The following SLC4A4 variants were observed in gnomAD, a reference collection of about 807,000 sequenced individuals.
SLC4A4 encodes the protein electrogenic sodium bicarbonate cotransporter 1.
Under a neutral mutation model 111.5 loss-of-function variants are expected in SLC4A4, and 27 were observed. That is an observed-to-expected ratio of 0.24 (90% CI 0.18 to 0.33). SLC4A4 has a LOEUF of 0.33. Ranked by LOEUF, SLC4A4 falls within the 10% of genes least tolerant of loss-of-function variation. SLC4A4 has a pLI of 1.00. For missense variants in SLC4A4, 909 were observed against 1,315.5 expected (o/e 0.69, Z 4.78); for synonymous variants, 443 against 463.4 (o/e 0.96, Z 0.57).
intron 7 of SLC4A4, among the ~76,000 whole-genome samples, chr4:71,417,687 C>T (rs942324558): frequency 2.0e-5 from 3 of 152,230 alleles, no homozygotes; most frequent in East Asian, 1.9e-4. Flanking sequence ...CTATTAAATA[C>T]TTTAAAATAT....
chr4:71,144,808 A>T (rs550480843), intron 2 of SLC4A4, among the ~76,000 whole-genome samples: 2 of 152,226 alleles, frequency 1.3e-5, no homozygotes, highest in African/African-American at 4.8e-5. Flanking sequence ...GTATCCTGAG[A>T]CTTTGCTGAA....
At chr4:71,408,013 G>C (rs1721028908) in intron 7 of SLC4A4, among the ~76,000 whole-genome samples, 1 of 152,104 alleles carries the variant, frequency 6.6e-6, no homozygotes, top group South Asian at 2.1e-4. Context: ...ACATCATTAT[G>C]ACCTTAAAAT....
At chr4:71,541,502 G>A (rs1016810142) in intron 18 of SLC4A4, among the ~76,000 whole-genome samples, 1 of 152,160 alleles carries the variant, frequency 6.6e-6, no homozygotes, top group African/African-American at 2.4e-5. Context: ...CACAGAATAT[G>A]CAAGGCACAT....
chr4:71,096,922 C>A (rs546130471), intron 2 of SLC4A4, among the ~76,000 whole-genome samples: 1 of 152,104 alleles, frequency 6.6e-6, no homozygotes, highest in Non-Finnish European at 1.5e-5. Flanking sequence ...AAGCTGAGTT[C>A]TTTTATGAAT....
intron 2 of SLC4A4, among the ~76,000 whole-genome samples, chr4:71,102,584 C>G (rs1210070492): frequency 1.3e-5 from 2 of 152,234 alleles, no homozygotes; most frequent in Middle Eastern, 3.4e-3. Flanking sequence ...GGCAGAAACT[C>G]TACAAGCCAG....
chr4:71,255,729 T>G (rs1248764921), intron 3 of SLC4A4, among the ~76,000 whole-genome samples: 1 of 152,158 alleles, frequency 6.6e-6, no homozygotes, highest in African/African-American at 2.4e-5. Context: ...TCTTAAAGAA[T>G]TTTTTGCATG....
At chr4:71,369,591 A>G (rs934255545) in intron 6 of SLC4A4, among the ~76,000 whole-genome samples, 3 of 152,200 alleles carry the variant, frequency 2.0e-5, no homozygotes, top group African/African-American at 7.2e-5. Flanking sequence ...TAATAATGTT[A>G]AATACCTCAA....
intron 6 of SLC4A4, among the ~76,000 whole-genome samples, chr4:71,375,668 G>A (rs1022931152): frequency 6.6e-6 from 1 of 152,118 alleles, no homozygotes; most frequent in East Asian, 1.9e-4. Context: ...TTTCTTAAGG[G>A]CAGGAATGTG....
chr4:71,108,686 A>C (rs1290859244), intron 2 of SLC4A4, among the ~76,000 whole-genome samples: 1 of 152,160 alleles, frequency 6.6e-6, no homozygotes, highest in Admixed American at 6.5e-5. Context: ...TATTTCCATC[A>C]AATTTGGGGA....
At chr4:71,293,839 C>G (rs770983847) in intron 3 of SLC4A4, among the ~76,000 whole-genome samples, 1 of 152,156 alleles carries the variant, frequency 6.6e-6, no homozygotes, top group South Asian at 2.1e-4. Context: ...CAACTTATAA[C>G]GTATCGCTGT....
At chr4:71,082,337 TC>T (rs11295721) in intron 1 of SLC4A4, among the ~76,000 whole-genome samples, 33,285 of 151,538 alleles carry the variant, frequency 0.22, 3,791 homozygotes, top group South Asian at 0.23. Flanking sequence ...CAAATAACTG[TC>T]CCCCCCACCA....
chr4:71,292,919 G>A (rs1052470294), intron 3 of SLC4A4, among the ~76,000 whole-genome samples: 1 of 136,660 alleles, frequency 7.3e-6, no homozygotes, highest in African/African-American at 2.8e-5. Flanking sequence ...TCGGCTCACT[G>A]CAACCTCTGC....
intron 6 of SLC4A4, among the ~76,000 whole-genome samples, chr4:71,373,602 C>G (rs1343280490): frequency 1.3e-5 from 2 of 152,074 alleles, no homozygotes; most frequent in Non-Finnish European, 2.9e-5. Context: ...ATGTGTGGAG[C>G]TAGAGTGGCA....
intron 12 of SLC4A4, among the ~76,000 whole-genome samples, chr4:71,456,959 G>A (rs1199803681): frequency 2.6e-5 from 4 of 152,172 alleles, no homozygotes; most frequent in Admixed American, 1.3e-4. Flanking sequence ...AGCACAGGCA[G>A]CTCAAATGAG....
At chr4:71,271,253 CT>C (rs1248381781) in intron 3 of SLC4A4, among the ~76,000 whole-genome samples, 2 of 152,186 alleles carry the variant, frequency 1.3e-5, no homozygotes, top group African/African-American at 2.4e-5. Context: ...GTTATTATTT[CT>C]GCTTTACATG....
intron 1 of SLC4A4, among the ~76,000 whole-genome samples, chr4:71,216,298 T>G (rs1394029452): frequency 1.3e-5 from 2 of 152,230 alleles, no homozygotes; most frequent in African/African-American, 4.8e-5. Flanking sequence ...CTTGCTTTCA[T>G]TCCTCTGTCA....
At chr4:71,308,177 C>T (rs1725840364) in intron 3 of SLC4A4, among the ~76,000 whole-genome samples, 2 of 151,924 alleles carry the variant, frequency 1.3e-5, no homozygotes, top group Admixed American at 6.6e-5. Context: ...TGTAGGCTTC[C>T]GAAGTGCTTT....
At chr4:71,259,201 A>G (rs1429282678) in intron 3 of SLC4A4, among the ~76,000 whole-genome samples, 1 of 152,244 alleles carries the variant, frequency 6.6e-6, no homozygotes, top group Non-Finnish European at 1.5e-5. Context: ...ATTTAGGCAC[A>G]TTAAGGAGAT....
chr4:71,128,823 T>C (rs1334672094), intron 2 of SLC4A4, among the ~76,000 whole-genome samples: 1 of 152,164 alleles, frequency 6.6e-6, no homozygotes, highest in Non-Finnish European at 1.5e-5. Flanking sequence ...AGTTCTCCAT[T>C]CTTAAGCTGG....
Sources: allele counts gnomAD v4.1 joint callset (sites outside exome capture counted in the v4.1 genomes callset), GRCh38; gene constraint gnomAD v4.1.1; transcripts MANE v1.5; gene names NCBI Gene and HGNC (gene_info 2026-07-23, HGNC 2026-07-21).